The following JARID2 variants were observed in gnomAD, a reference collection of about 807,000 sequenced individuals.
JARID2 encodes the protein jumonji and AT-rich interaction domain containing 2.
JARID2 carries 21 observed loss-of-function variants against 125.6 expected under a neutral mutation model. The ratio of observed to expected loss-of-function variants is 0.17; its 90% CI spans 0.12 to 0.24. The LOEUF (loss-of-function observed/expected upper bound fraction) is 0.24, where lower values mean the gene tolerates loss of function less well. Ranked by LOEUF, JARID2 falls within the 10% of genes least tolerant of loss-of-function variation. The pLI, the probability that JARID2 is intolerant of heterozygous loss-of-function variation, is 1.00. For missense variants in JARID2, 1,303 were observed against 1,639.6 expected, an observed-to-expected ratio of 0.79 and a Z score of 3.55; for synonymous variants, 736 against 661.6, an observed-to-expected ratio of 1.11 and a Z score of -1.73.
At chr6:15,395,114 T>G (rs1765169525) in intron 2 of JARID2, among the ~76,000 whole-genome samples, 2 of 152,176 alleles carry the variant, frequency 1.3e-5, no homozygotes, top group South Asian at 4.1e-4. Context: ...TAGTATTAAT[T>G]TCTAGAAATT....
At chr6:15,331,680 A>G (rs1196894391) in intron 1 of JARID2, among the ~76,000 whole-genome samples, 2 of 152,162 alleles carry the variant, frequency 1.3e-5, no homozygotes. Flanking sequence ...AGTCTGACCA[A>G]CATGGAGAAA....
intron 1 of JARID2, among the ~76,000 whole-genome samples, chr6:15,333,373 C>A (rs1762781440): frequency 6.6e-6 from 1 of 152,150 alleles, no homozygotes; most frequent in South Asian, 2.1e-4. Context: ...TTATTTCTTC[C>A]CAGGCCCTAG....
rs1475250846 is a variant in JARID2, at chr6:15,410,336, A to T, written c.294A>T (p.Ser98=). The part of the protein sequence containing the change: ...VSSTSNDVSS[S]DFEEGPSRKR... ...CCACTAGCAACGATGTTAGTTCTTC[A>T]GATTTTGAAGAAGGGCCGTCGAGGA... The change falls in exon 3 of 18, where the codon TCA becomes TCT. Residue 98 remains serine (S), a synonymous_variant. Transcript: ENST00000341776. 3 of 1,614,022 alleles carry T rather than the reference A, an allele frequency of 1.9e-6. No homozygotes were observed. Among genetic ancestry groups the T allele is most frequent in the Non-Finnish European group, 2.5e-6 (3 of 1,179,984 alleles).
intron 5 of JARID2, among the ~76,000 whole-genome samples, chr6:15,476,352 G>A (rs1769340110): frequency 5.9e-5 from 9 of 152,156 alleles, no homozygotes; most frequent in Admixed American, 5.9e-4. Flanking sequence ...CGGGACCTCT[G>A]GCCTCATGGC....
intron 1 of JARID2, among the ~76,000 whole-genome samples, chr6:15,369,562 T>C (rs1004303000): frequency 1.3e-5 from 2 of 152,190 alleles, no homozygotes; most frequent in Non-Finnish European, 2.9e-5. Context: ...CCCTGACTGA[T>C]TCTACCAAGG....
At chr6:15,506,344 G>A (rs562451650) in intron 9 of JARID2, among the ~76,000 whole-genome samples, 6 of 152,340 alleles carry the variant, frequency 3.9e-5, no homozygotes, top group South Asian at 2.1e-4. Context: ...TGTGGAATTC[G>A]TTCTTGATTT....
chr6:15,459,966 C>T (rs1335086677), intron 4 of JARID2, among the ~76,000 whole-genome samples: 2 of 152,160 alleles, frequency 1.3e-5, no homozygotes, highest in South Asian at 2.1e-4. Context: ...CACACTGTCT[C>T]CAGTGGTACA....
intron 1 of JARID2, among the ~76,000 whole-genome samples, chr6:15,290,831 A>G (rs188775853): frequency 6.6e-5 from 10 of 152,300 alleles, no homozygotes; most frequent in Admixed American, 6.5e-4. Context: ...CATGTTAGCC[A>G]GTATGGTCTC....
intron 3 of JARID2, among the ~76,000 whole-genome samples, chr6:15,433,410 CTGTGTGTGTGTGTGTGTGTGTGTG>C (rs57296791): frequency 8.3e-4 from 119 of 143,426 alleles, no homozygotes; most frequent in Non-Finnish European, 1.7e-3. Context: ...CCATGTCTCT[CTGTGTGTGTGTGTGTGTGTGTGTG>C]TGTGTGTGTG....
At chr6:15,473,514 G>GCT (rs1561887593) in intron 5 of JARID2, among the ~76,000 whole-genome samples, 5 of 35,066 alleles carry the variant, frequency 1.4e-4, no homozygotes, top group Non-Finnish European at 2.2e-4. Context: ...TGATGTGCGT[G>GCT]CCCCCCCCCC....
intron 3 of JARID2, among the ~76,000 whole-genome samples, chr6:15,438,784 T>G (rs577135335): frequency 6.6e-6 from 1 of 152,276 alleles, no homozygotes; most frequent in African/African-American, 2.4e-5. Context: ...ATCCCAGCAC[T>G]TTGGGAGGCC....
At chr6:15,502,145 C>T (rs774540887) in intron 8 of JARID2, among the ~76,000 whole-genome samples, 3 of 152,224 alleles carry the variant, frequency 2.0e-5, no homozygotes, top group Non-Finnish European at 4.4e-5. Context: ...TCCCTGTCTC[C>T]GCCAGGTCTC....
intron 2 of JARID2, among the ~76,000 whole-genome samples, chr6:15,404,323 C>A (rs1279037044): frequency 6.6e-6 from 1 of 152,222 alleles, no homozygotes; most frequent in African/African-American, 2.4e-5. Flanking sequence ...AGGCCCAAAG[C>A]CAAATCTGCC....
chr6:15,440,280 G>C (rs1480376333), intron 3 of JARID2, among the ~76,000 whole-genome samples: 2 of 152,210 alleles, frequency 1.3e-5, no homozygotes, highest in Non-Finnish European at 2.9e-5. Context: ...ACAGCGGACT[G>C]GTCCTTGGCT....
At chr6:15,515,788 G>A (rs139870195) in intron 16 of JARID2, among the ~76,000 whole-genome samples, 1 of 151,788 alleles carries the variant, frequency 6.6e-6, no homozygotes, top group African/African-American at 2.4e-5. Context: ...AGGCACGGTG[G>A]CTTATGCTTG....
rs774068185 is a variant in JARID2, at chr6:15,487,379, C to T, written c.743C>T (p.Pro248Leu). The change falls in exon 6 of 18, where the codon CCC becomes CTC. Residue 248 changes from proline to leucine, a missense_variant. Physicochemically the swap from Pro to Leu is moderately conservative, Grantham distance 98. This residue lies in a region of JARID2 where 651 missense variants were observed against 581.6 expected (regional missense o/e 1.12). Coordinates refer to ENST00000341776, the MANE Select transcript of JARID2 (RefSeq NM_004973.4). ...AAACACAAAAGCAAAGAGGCCACTCCCGCAAAGGAGAAGCACAGCGATCAC... is the reference window on the plus strand; with the variant it reads ...AAACACAAAAGCAAAGAGGCCACTCTCGCAAAGGAGAAGCACAGCGATCAC... ...VQKHKSKEAT[P>L]AKEKHSDHRA... 3.0e-5 allele frequency: 49 copies of T among 1,614,222 alleles called. No homozygotes were observed. The highest frequency in any genetic ancestry group is 4.2e-5 in the Non-Finnish European group (49 of 1,180,042).
At chr6:15,303,836 C>T (rs140224799) in intron 1 of JARID2, among the ~76,000 whole-genome samples, 52 of 152,188 alleles carry the variant, frequency 3.4e-4, no homozygotes, top group African/African-American at 1.3e-3. Context: ...TGTAAGGTGC[C>T]TTCTTTTTAG....
rs1260870626 is a variant in JARID2 at position 15,497,157 on chromosome 6, G to C, written c.1932G>C (p.Glu644Asp). The C allele has an allele frequency of 6.5e-7, 1 of 1,548,704 alleles. No individual in the cohort carries two copies. The highest frequency in any genetic ancestry group is 8.7e-7 in the Non-Finnish European group (1 of 1,145,492). The change falls in exon 7 of 18, where the codon GAG becomes GAC. Residue 644 changes from glutamate to aspartate, a missense_variant. Glu to Asp is a conservative substitution (Grantham distance 45). Transcript: ENST00000341776. ...AATCTCAGGGCATCACCATGGACGA[G>C]CTCCCGCTCATAGGTAGGTCTGGGC... ...HLKSQGITMD[E>D]LPLIGGCELD...
chr6:15,274,653 T>C (rs1440583814), intron 1 of JARID2, among the ~76,000 whole-genome samples: 1 of 152,158 alleles, frequency 6.6e-6, no homozygotes, highest in Non-Finnish European at 1.5e-5. Context: ...TTTTTGTGTG[T>C]GAAGGGGTGA....
Sources: gnomAD v4.1 joint callset for allele counts (sites outside exome capture counted in the v4.1 genomes callset) on GRCh38, gnomAD v4.1.1 for gene constraint, gnomAD v4.1.1 regional missense constraint, MANE v1.5 for transcripts, NCBI Gene and HGNC (gene_info 2026-07-23, HGNC 2026-07-21) for gene names.